Variants in SLC7A9 observed in about 807,000 individuals in gnomAD.
SLC7A9 encodes the protein B(0,+)-type amino acid transporter 1.
A neutral mutation model predicts 54.1 loss-of-function variants in SLC7A9; 38 were observed. That is an observed-to-expected ratio of 0.70 (90% CI 0.54 to 0.92). SLC7A9 has a LOEUF of 0.92. SLC7A9 is among the 40% of genes least tolerant of loss of function. SLC7A9 has a pLI of 0.00. For synonymous variants in SLC7A9, 264 were observed against 258.9 expected (o/e 1.02, Z -0.19); for missense variants, 537 against 636.1 (o/e 0.84, Z 1.68).
In SLC7A9 at chr19:32,841,443, G is replaced by A. The variant is rs549262930; in HGVS notation, c.1224+725C>T. The stretch of plus-strand genomic sequence containing the variant: ...AGAAGTTCCCATCAGTCTATGAAAG[G>A]AGGCCGGCATAGTGGCTCACACCTG... On this transcript the variant is annotated intron_variant, in intron 11 of 12. Coordinates refer to ENST00000023064, the MANE Select transcript of SLC7A9 (RefSeq NM_014270.5). Among the ~76,000 whole-genome samples the A allele has an allele frequency of 3.9e-5, 6 of 152,118 alleles. No homozygotes were observed. In the South Asian group the frequency reaches 1.2e-3, roughly 32 times the overall value.
In SLC7A9 at chr19:32,862,597, G is replaced by A. The variant is rs1379483055; in HGVS notation, c.479-11C>T. 6.2e-7 allele frequency: 1 copy of A among 1,613,620 alleles called. No homozygotes were observed. Among genetic ancestry groups the A allele is most frequent in the African/African-American group, 1.3e-5 (1 of 75,038 alleles). On this transcript the variant is annotated splice_polypyrimidine_tract_variant and intron_variant, in intron 4 of 12. Transcript: ENST00000023064. Reference sequence around the variant, plus strand: ...CTGTCGAGATGAACACTGGAAGGGTGGGGACAGTTTCTGCATTTATGGTTT... The same window carrying A: ...CTGTCGAGATGAACACTGGAAGGGTAGGGACAGTTTCTGCATTTATGGTTT...
Position 32,864,701 on chromosome 19 carries a change from C to T in SLC7A9, c.163G>A (p.Val55Met), listed in dbSNP as rs1326713773. The change falls in exon 3 of 13, where the codon GTG becomes ATG. Residue 55 changes from valine (V) to methionine (M), a missense_variant. By Grantham distance (21) the Val-to-Met change is conservative. Transcript: ENST00000023064. ...GSGIFVSPKS[V>M]LSNTEAVGPC... ...CCCACAGCTTCCGTGTTGCTGAGCA[C>T]AGACTTGGGGGAAACGAAGATCCCA... 6.2e-7 allele frequency: 1 copy of T among 1,614,180 alleles called. No homozygotes were observed. Among genetic ancestry groups the T allele is most frequent in the Non-Finnish European group, 8.5e-7 (1 of 1,180,028 alleles).
At chr19:32,839,006 C>T (rs927150131) in intron 11 of SLC7A9, among the ~76,000 whole-genome samples, 4 of 152,200 alleles carry the variant, frequency 2.6e-5, no homozygotes, top group African/African-American at 4.8e-5. Flanking sequence ...TAGGTGTTCT[C>T]TTCCTCCCAG....
chr19:32,840,957 CTCTG>C (rs1968111311), intron 11 of SLC7A9, among the ~76,000 whole-genome samples: 1 of 152,178 alleles, frequency 6.6e-6, no homozygotes, highest in Non-Finnish European at 1.5e-5. Context: ...ATCCTAGAGG[CTCTG>C]TCTGTTTCTA....
At chr19:32,854,039 A>C (rs1164278097) in intron 9 of SLC7A9, among the ~76,000 whole-genome samples, 15 of 148,766 alleles carry the variant, frequency 1.0e-4, no homozygotes, top group Non-Finnish European at 2.2e-4. Flanking sequence ...ACAAGGTCTC[A>C]CTCTGTCTCC....
intron 8 of SLC7A9, 143 bp from the exon 9 acceptor site, chr19:32,858,686 G>T: frequency 1.5e-6 from 1 of 680,350 alleles, no homozygotes; most frequent in Non-Finnish European, 2.7e-6. Context: ...CACTGCAGAG[G>T]AGAGAGGAGA....
At chr19:32,834,446 A>G (rs1473598251) in intron 11 of SLC7A9, among the ~76,000 whole-genome samples, 2 of 152,112 alleles carry the variant, frequency 1.3e-5, no homozygotes, top group Admixed American at 6.5e-5. Context: ...CCTGGCCAAC[A>G]TGGTGAAACC....
At chr19:32,857,121 G>C (rs1320833752) in intron 9 of SLC7A9, among the ~76,000 whole-genome samples, 1 of 152,090 alleles carries the variant, frequency 6.6e-6, no homozygotes, top group Non-Finnish European at 1.5e-5. Context: ...CTGCACTCCA[G>C]CCTGGGTGAC....
intron 11 of SLC7A9, among the ~76,000 whole-genome samples, chr19:32,841,917 A>G (rs1023483954): frequency 6.6e-5 from 10 of 152,192 alleles, no homozygotes; most frequent in African/African-American, 2.2e-4. Context: ...AAAACAAATG[A>G]GAGCCAGGTG....
At chr19:32,831,130 G>A (rs1024242959) in intron 12 of SLC7A9, among the ~76,000 whole-genome samples, 6 of 151,412 alleles carry the variant, frequency 4.0e-5, no homozygotes, top group South Asian at 2.1e-4. Context: ...CTAGGCAGGC[G>A]GATCACGAGG....
intron 9 of SLC7A9, among the ~76,000 whole-genome samples, chr19:32,855,444 A>C (rs1968591902): frequency 6.6e-6 from 1 of 152,188 alleles, no homozygotes; most frequent in African/African-American, 2.4e-5. Context: ...TCACGCCTGT[A>C]ATCCCAGCAC....
At chr19:32,868,002 G>A (rs1485638857) in intron 2 of SLC7A9, among the ~76,000 whole-genome samples, 1 of 150,598 alleles carries the variant, frequency 6.6e-6, no homozygotes, top group Non-Finnish European at 1.5e-5. Flanking sequence ...CCAGCACTTT[G>A]GGAGGATCAC....
At chr19:32,833,428 T>G in intron 11 of SLC7A9, 105 bp from the exon 12 acceptor site, 1 of 942,374 alleles carries the variant, frequency 1.1e-6, no homozygotes, top group Non-Finnish European at 1.7e-6. Flanking sequence ...TACCCCCTCC[T>G]CCAATTTCAA....
At chr19:32,837,821 A>G (rs926444199) in intron 11 of SLC7A9, among the ~76,000 whole-genome samples, 6 of 152,230 alleles carry the variant, frequency 3.9e-5, no homozygotes, top group Non-Finnish European at 8.8e-5. Context: ...TCAAAAGTTT[A>G]TACTACATTT....
intron 9 of SLC7A9, among the ~76,000 whole-genome samples, chr19:32,854,829 C>T (rs1338894718): frequency 6.6e-6 from 1 of 151,878 alleles, no homozygotes; most frequent in East Asian, 2.0e-4. Flanking sequence ...CTCATGTGAT[C>T]CACCCACCTC....
chr19:32,864,463 C>G, intron 3 of SLC7A9, 125 bp from the exon 4 acceptor site: 1 of 1,507,834 alleles, frequency 6.6e-7, no homozygotes, highest in South Asian at 1.1e-5. Context: ...CCTCGCTGGA[C>G]GGCCCTGAGC....
Position 32,862,127 on chromosome 19 carries a change from T to C in SLC7A9, c.695A>G (p.Tyr232Cys), listed in dbSNP as rs121908487. ...SLAFYNGLWA[Y>C]DGWNQLNYIT... ...TCTCAGGACACCTCACCATCCATCA[T>C]AGGCCCAGAGTCCATTGTAAAACGC... The change falls in exon 6 of 13, where the codon TAT becomes TGT. Residue 232 changes from tyrosine to cysteine, a missense_variant. Coordinates refer to ENST00000023064, the MANE Select transcript of SLC7A9 (RefSeq NM_014270.5). 276 of 1,610,142 alleles carry C rather than the reference T, an allele frequency of 1.7e-4. No homozygotes were observed. The highest frequency in any genetic ancestry group is 2.2e-4 in the Non-Finnish European group (256 of 1,176,814).
At chr19:32,836,626 C>A (rs990848372) in intron 11 of SLC7A9, among the ~76,000 whole-genome samples, 1 of 152,178 alleles carries the variant, frequency 6.6e-6, no homozygotes, top group African/African-American at 2.4e-5. Flanking sequence ...CCTCTAAGAT[C>A]TATCTTGCTA....
At position 32,862,522 on chromosome 19, in the gene SLC7A9, G is replaced by A. The variant is rs149361640; in HGVS notation, c.543C>T (p.Thr181=). Residue 181 remains threonine (T), a synonymous_variant, in exon 5 of 13, where the codon ACC becomes ACT. Coordinates refer to ENST00000023064, the MANE Select transcript of SLC7A9 (RefSeq NM_014270.5). ...TGGCCACGATCACCAGCTTGGCCGC[G>A]GTGAAGATGTTCTGGACGTAGCTTC... The part of the protein sequence containing the change: ...RLGSYVQNIF[T]AAKLVIVAII... The A allele has an allele frequency of 3.9e-5, 63 of 1,613,796 alleles. No homozygotes were observed. In the African/African-American group the frequency reaches 5.2e-4, roughly 13 times the overall value.
Sources: allele counts gnomAD v4.1 joint callset (sites outside exome capture counted in the v4.1 genomes callset), GRCh38; gene constraint gnomAD v4.1.1; transcripts MANE v1.5; gene names NCBI Gene and HGNC (gene_info 2026-07-23, HGNC 2026-07-21).